Variants in NELL1 observed in about 807,000 individuals in gnomAD.
The protein encoded by NELL1 is neural EGFL like 1.
A neutral mutation model predicts 107.4 loss-of-function variants in NELL1; 76 were observed. The observed-to-expected ratio is 0.71, with a 90% CI of 0.59 to 0.86. The LOEUF (loss-of-function observed/expected upper bound fraction) is 0.86. Among genes scored for constraint, NELL1 ranks in the 40% least tolerant of loss-of-function variants. NELL1 has a pLI of 0.00. For missense variants in NELL1, 1,024 were observed against 1,005.5 expected (o/e 1.02, Z -0.25); for synonymous variants, 353 against 341.2 (o/e 1.03, Z -0.38).
intron 12 of NELL1, among the ~76,000 whole-genome samples, chr11:20,972,146 A>G (rs957652032): frequency 1.3e-5 from 2 of 152,322 alleles, no homozygotes; most frequent in East Asian, 1.9e-4. Flanking sequence ...ATGTATACCT[A>G]TGTAACCAAC....
chr11:21,157,263 T>A (rs1318242020), intron 13 of NELL1, among the ~76,000 whole-genome samples: 1 of 152,082 alleles, frequency 6.6e-6, no homozygotes, highest in Admixed American at 6.6e-5. Flanking sequence ...AGAATGATAT[T>A]ATGCTTGTCC....
chr11:21,421,235 A>G (rs1009143763), intron 15 of NELL1, among the ~76,000 whole-genome samples: 1 of 152,194 alleles, frequency 6.6e-6, no homozygotes, highest in African/African-American at 2.4e-5. Context: ...CTTCACCTAA[A>G]CAATGATTAC....
chr11:20,825,863 G>C (rs1239552003), intron 3 of NELL1, among the ~76,000 whole-genome samples: 3 of 151,176 alleles, frequency 2.0e-5, no homozygotes, highest in Non-Finnish European at 4.4e-5. Context: ...GGAATGATAT[G>C]GTCCGGCTCT....
At chr11:21,184,047 A>G (rs2133827304) in intron 13 of NELL1, among the ~76,000 whole-genome samples, 1 of 151,958 alleles carries the variant, frequency 6.6e-6, no homozygotes, top group East Asian at 1.9e-4. Flanking sequence ...AGGCAGTAGC[A>G]CCATTCCTAA....
intron 12 of NELL1, among the ~76,000 whole-genome samples, chr11:21,083,426 C>T (rs1565050164): frequency 2.0e-5 from 3 of 152,170 alleles, no homozygotes; most frequent in Admixed American, 6.6e-5. Context: ...AAGTGACTTG[C>T]TCGAGGTCAC....
At chr11:21,540,431 A>T (rs1856262709) in intron 16 of NELL1, among the ~76,000 whole-genome samples, 1 of 152,102 alleles carries the variant, frequency 6.6e-6, no homozygotes, top group African/African-American at 2.4e-5. Context: ...GAGTGAGAAC[A>T]TGAAATATTT....
At chr11:20,811,120 T>C (rs1404968901) in intron 3 of NELL1, among the ~76,000 whole-genome samples, 7 of 152,200 alleles carry the variant, frequency 4.6e-5, no homozygotes, top group Non-Finnish European at 8.8e-5. Context: ...AGTAGTTTCA[T>C]AGTTTGGGTC....
chr11:21,151,473 C>T lies in NELL1; in HGVS notation c.1426+37759C>T, dbSNP rs74680592. 6.6e-3 allele frequency among the ~76,000 whole-genome samples: 1,002 copies of T among 152,092 alleles called. 8 individuals carry two copies. The highest frequency in any genetic ancestry group is 0.023 in the African/African-American group (964 of 41,504). On this transcript the variant is annotated intron_variant, in intron 13 of 19. Coordinates refer to ENST00000357134, the MANE Select transcript of NELL1 (RefSeq NM_006157.5). ...GTGTGCATGCTGCGTGTTGATGGTGCGCGTGGTGACGTGTGTAAATTTGAA... is the reference window on the plus strand; with the variant it reads ...GTGTGCATGCTGCGTGTTGATGGTGTGCGTGGTGACGTGTGTAAATTTGAA...
rs576484467 is a variant in NELL1 at position 21,369,897 on chromosome 11, A to C, written c.1550-956A>C. Among the ~76,000 whole-genome samples the C allele has an allele frequency of 8.5e-5, 13 of 152,188 alleles. 1 individual carries two copies. In the Middle Eastern group the frequency reaches 0.01, roughly 119 times the overall value. On this transcript the variant is annotated intron_variant, in intron 14 of 19. Transcript: ENST00000357134. The stretch of plus-strand genomic sequence containing the variant: ...GTTTTACTATCAGAACAACCTGTAA[A>C]ATGTAGATTAATTCATCTAACAAAT...
intron 12 of NELL1, among the ~76,000 whole-genome samples, chr11:21,087,422 C>T (rs550841842): frequency 1.3e-5 from 2 of 152,066 alleles, no homozygotes; most frequent in African/African-American, 4.8e-5. Flanking sequence ...ACTAGAGTTG[C>T]AAATTATAGC....
chr11:20,873,159 C>T (rs1849236825), intron 4 of NELL1, among the ~76,000 whole-genome samples: 2 of 152,090 alleles, frequency 1.3e-5, no homozygotes, highest in African/African-American at 2.4e-5. Context: ...AGGCAGCCAG[C>T]CTGGGGTATA....
chr11:20,693,330 T>C (rs1382969368), intron 2 of NELL1, among the ~76,000 whole-genome samples: 2 of 152,158 alleles, frequency 1.3e-5, no homozygotes, highest in Non-Finnish European at 2.9e-5. Context: ...CCTGTCATTA[T>C]GATGTTAGCT....
At chr11:20,822,522 C>T (rs888387575) in intron 3 of NELL1, among the ~76,000 whole-genome samples, 2 of 152,152 alleles carry the variant, frequency 1.3e-5, no homozygotes, top group African/African-American at 4.8e-5. Context: ...TGCCCAGGGC[C>T]TGCAGGTGTG....
chr11:21,180,105 T>A (rs969464829), intron 13 of NELL1, among the ~76,000 whole-genome samples: 3 of 151,630 alleles, frequency 2.0e-5, no homozygotes, highest in Non-Finnish European at 4.4e-5. Context: ...TTGCCCCCCA[T>A]GCCATAGTTT....
intron 14 of NELL1, among the ~76,000 whole-genome samples, chr11:21,235,148 C>T (rs909205673): frequency 6.6e-6 from 1 of 152,026 alleles, no homozygotes; most frequent in Non-Finnish European, 1.5e-5. Flanking sequence ...TAAAAGTCTG[C>T]CCTTAGGTGC....
intron 15 of NELL1, 144 bp from the exon 16 acceptor site, chr11:21,534,230 T>G: frequency 2.4e-6 from 2 of 848,658 alleles, no homozygotes; most frequent in Admixed American, 2.4e-5. Context: ...AAATATGGGA[T>G]TTGCTTCTTC....
chr11:21,158,224 G>A (rs952975213), intron 13 of NELL1, among the ~76,000 whole-genome samples: 4 of 152,172 alleles, frequency 2.6e-5, no homozygotes, highest in African/African-American at 7.2e-5. Flanking sequence ...GCCAGAGACT[G>A]AAGGCTTCAC....
chr11:21,478,994 A>G (rs1854422127), intron 15 of NELL1, among the ~76,000 whole-genome samples: 1 of 152,156 alleles, frequency 6.6e-6, no homozygotes, highest in Non-Finnish European at 1.5e-5. Context: ...ACGATATATC[A>G]TCTCACCCCA....
chr11:20,971,185 A>G (rs1851493959), intron 12 of NELL1, among the ~76,000 whole-genome samples: 1 of 152,096 alleles, frequency 6.6e-6, no homozygotes. Context: ...ATGGCCTTAC[A>G]TTATTTTTTA....
Sources: allele counts gnomAD v4.1 joint callset (sites outside exome capture counted in the v4.1 genomes callset), GRCh38; gene constraint gnomAD v4.1.1; transcripts MANE v1.5; gene names NCBI Gene and HGNC (gene_info 2026-07-23, HGNC 2026-07-21).